Variants in ACTR3C observed in about 807,000 individuals in gnomAD.
ACTR3C encodes actin-related protein 3C.
Under a neutral mutation model 26.3 loss-of-function variants are expected in ACTR3C, and 18 were observed. That is an observed-to-expected ratio of 0.68 (90% CI 0.47 to 1.01). ACTR3C has a LOEUF of 1.01. Among genes scored for constraint, ACTR3C ranks in the 50% least tolerant of loss-of-function variants. The pLI is 0.00. For synonymous variants in ACTR3C, 55 were observed against 94.5 expected, an observed-to-expected ratio of 0.58 and a Z score of 2.42; for missense variants, 184 against 250.7, an observed-to-expected ratio of 0.73 and a Z score of 1.80.
chr7:150,252,058 G>A (rs1296741745), intron 6 of ACTR3C, among the ~76,000 whole-genome samples: 2 of 151,848 alleles, frequency 1.3e-5, no homozygotes, highest in African/African-American at 2.4e-5. Context: ...CTTTTTAAGC[G>A]CTTTAACTTC....
chr7:150,175,725 T>TAGC, the ACTR3C span, among the ~76,000 whole-genome samples: 1 of 137,570 alleles, frequency 7.3e-6, no homozygotes, highest in African/African-American at 3.0e-5. Context: ...GGCAGGAGAA[T>TAGC]AGCTTGAACC....
At chr7:150,080,931 A>G in the ACTR3C span, among the ~76,000 whole-genome samples, 1 of 152,230 alleles carries the variant, frequency 6.6e-6, no homozygotes, top group Admixed American at 6.5e-5. Context: ...CTAAATCAAT[A>G]ATAACACCAT....
the ACTR3C span, among the ~76,000 whole-genome samples, chr7:150,057,812 C>G: frequency 6.6e-6 from 1 of 152,212 alleles, no homozygotes; most frequent in Non-Finnish European, 1.5e-5. Context: ...GGTTTCTACC[C>G]TGATTAAAGT....
the ACTR3C span, among the ~76,000 whole-genome samples, chr7:150,119,824 A>G: frequency 6.6e-6 from 1 of 152,244 alleles, no homozygotes; most frequent in East Asian, 1.9e-4. Context: ...AATTGATCAC[A>G]TAATTGGAAG....
chr7:149,954,371 T>C, the ACTR3C span, among the ~76,000 whole-genome samples: 10 of 152,350 alleles, frequency 6.6e-5, no homozygotes, highest in Middle Eastern at 6.8e-3. Flanking sequence ...TGATACTTTG[T>C]AGCTTTCAGA....
chr7:150,133,098 G>C, the ACTR3C span, among the ~76,000 whole-genome samples: 1 of 151,984 alleles, frequency 6.6e-6, no homozygotes, highest in African/African-American at 2.4e-5. Context: ...AAACTATCTC[G>C]CATGCACACA....
chr7:150,035,687 G>A, the ACTR3C span, among the ~76,000 whole-genome samples: 2 of 130,088 alleles, frequency 1.5e-5, no homozygotes, highest in African/African-American at 5.7e-5. Flanking sequence ...AGGATCTTAG[G>A]ATCAGCGATG....
At chr7:150,127,630 C>T in the ACTR3C span, among the ~76,000 whole-genome samples, 1 of 152,154 alleles carries the variant, frequency 6.6e-6, no homozygotes, top group African/African-American at 2.4e-5. Flanking sequence ...AAAATACCAA[C>T]AACTAGAAAG....
the ACTR3C span, among the ~76,000 whole-genome samples, chr7:150,003,401 G>T: frequency 1.3e-5 from 2 of 151,412 alleles, no homozygotes; most frequent in Non-Finnish European, 2.9e-5. Context: ...TATGATGTAT[G>T]GAAGAAGTGT....
At chr7:150,105,062 T>A in the ACTR3C span, among the ~76,000 whole-genome samples, 1 of 151,726 alleles carries the variant, frequency 6.6e-6, no homozygotes, top group Non-Finnish European at 1.5e-5. Flanking sequence ...TCACATTGCA[T>A]CTGCCTTCTT....
the ACTR3C span, among the ~76,000 whole-genome samples, chr7:149,931,120 A>C: frequency 2.0e-5 from 3 of 152,110 alleles, no homozygotes; most frequent in East Asian, 5.8e-4. Flanking sequence ...CCTGCCTCAG[A>C]CTCCCAAATT....
chr7:149,948,869 G>A, the ACTR3C span, among the ~76,000 whole-genome samples: 2 of 151,918 alleles, frequency 1.3e-5, no homozygotes, highest in East Asian at 1.9e-4. Flanking sequence ...TGATCCACCT[G>A]GGACAAGTGT....
the ACTR3C span, among the ~76,000 whole-genome samples, chr7:150,070,607 C>T: frequency 7.9e-5 from 12 of 152,120 alleles, no homozygotes; most frequent in South Asian, 1.3e-3. Context: ...TGCGCCGCCA[C>T]GCCTGGCTAA....
chr7:150,081,082 G>A, the ACTR3C span, among the ~76,000 whole-genome samples: 1 of 152,104 alleles, frequency 6.6e-6, no homozygotes, highest in African/African-American at 2.4e-5. Context: ...GACAACTCTG[G>A]AGAAAGAATG....
chr7:150,038,641 G>A, the ACTR3C span, among the ~76,000 whole-genome samples: 14 of 144,706 alleles, frequency 9.7e-5, 2 homozygotes, highest in South Asian at 1.1e-3. Flanking sequence ...CGGACCCGTC[G>A]GATCGTAAAT....
the ACTR3C span, among the ~76,000 whole-genome samples, chr7:150,006,642 G>A: frequency 6.6e-6 from 1 of 150,914 alleles, no homozygotes; most frequent in African/African-American, 2.4e-5. Flanking sequence ...TGGGGTCCCT[G>A]GTGCCCTCAA....
chr7:150,171,973 A>G, the ACTR3C span, among the ~76,000 whole-genome samples: 21,594 of 150,300 alleles, frequency 0.14, 3,310 homozygotes, highest in African/African-American at 0.33. Context: ...CACCACACCT[A>G]GCTAATTTTT....
the ACTR3C span, among the ~76,000 whole-genome samples, chr7:149,984,735 G>C: frequency 6.6e-6 from 1 of 152,010 alleles, no homozygotes; most frequent in Non-Finnish European, 1.5e-5. Context: ...ACCTAAGTTT[G>C]TTTGGCTTCA....
chr7:150,114,195 T>A, the ACTR3C span, among the ~76,000 whole-genome samples: 1 of 152,210 alleles, frequency 6.6e-6, no homozygotes, highest in Non-Finnish European at 1.5e-5. Context: ...TGTTGTGGCA[T>A]CTCAGTGATC....
Sources: gnomAD v4.1 joint callset for allele counts (sites outside exome capture counted in the v4.1 genomes callset) on GRCh38, gnomAD v4.1.1 for gene constraint, MANE v1.5 for transcripts, NCBI Gene and HGNC (gene_info 2026-07-23, HGNC 2026-07-21) for gene names.